AMMECR1: variants seen among roughly 807,000 people sequenced by gnomAD.
AMMECR1 encodes the protein nuclear protein AMMECR1.
AMMECR1 carries 3 observed loss-of-function variants against 22.5 expected under a neutral mutation model. The observed-to-expected ratio is 0.13, with a 90% confidence interval of 0.06 to 0.35. AMMECR1 has a LOEUF of 0.35. Ranked by LOEUF, AMMECR1 falls within the 10% of genes least tolerant of loss-of-function variation. AMMECR1 has a pLI of 1.00. For synonymous variants in AMMECR1, 130 were observed against 116.7 expected (o/e 1.11, Z -0.74); for missense variants, 235 against 278.7 (o/e 0.84, Z 1.12).
At chrX:110,316,858 T>G (rs2068050435) in intron 1 of AMMECR1, among the ~76,000 whole-genome samples, 1 of 104,313 alleles carries the variant, frequency 9.6e-6, no homozygotes, top group Non-Finnish European at 2.0e-5. Context: ...CGTGGCTCTG[T>G]GGGGACAGTT....
At chrX:110,322,143 A>T (rs942471463), upstream of AMMECR1, among the ~76,000 whole-genome samples, 2 of 112,382 alleles carry the variant, frequency 1.8e-5, no homozygotes, top group African/African-American at 3.2e-5. Context: ...CTTGAGTACA[A>T]ACTAATTGAA....
At chrX:110,430,932 T>A (rs187883848) in intron 1 of AMMECR1, among the ~76,000 whole-genome samples, 32 of 112,172 alleles carry the variant, frequency 2.9e-4, no homozygotes, top group Non-Finnish European at 5.4e-4. Flanking sequence ...CATGGCTGGT[T>A]ATAATGACAC....
chrX:110,377,569 C>CT (rs1251045046), intron 2 of AMMECR1, among the ~76,000 whole-genome samples: 3 of 112,149 alleles, frequency 2.7e-5, no homozygotes, highest in Admixed American at 9.4e-5. Context: ...TGTCCATGTG[C>CT]TGCACAGTAT....
intron 2 of AMMECR1, among the ~76,000 whole-genome samples, chrX:110,386,676 A>G (rs896947855): frequency 1.8e-5 from 2 of 111,804 alleles, no homozygotes; most frequent in Non-Finnish European, 3.8e-5. Flanking sequence ...AGAAATTTGT[A>G]AGTTCGCATA....
rs1464247569 is a variant in AMMECR1, at chrX:110,198,340, A to T, written c.*180T>A. On this transcript the variant is annotated 3_prime_UTR_variant, in exon 6 of 6. Transcript: ENST00000262844. ...AAATAATAAAACAGGATCTTAACAAATGCCATTTTTCTACCCGTTACCATG... is the reference window on the plus strand; with the variant it reads ...AAATAATAAAACAGGATCTTAACAATTGCCATTTTTCTACCCGTTACCATG... 1.3e-5 allele frequency: 4 copies of T among 298,677 alleles called. No individual in the cohort carries two copies. Among genetic ancestry groups the T allele is most frequent in the Non-Finnish European group, 2.4e-5 (4 of 169,846 alleles). The allele number at this position is 298,677 out of a possible 1,213,427, so 24.6% of individuals were successfully genotyped here. A position where few individuals can be genotyped will look rare whatever the true frequency, so the allele number is the denominator to read the frequency against.
At chrX:110,287,243 ACACTAACTGGTGTAGTCACCT>A (rs2067885086) in intron 1 of AMMECR1, among the ~76,000 whole-genome samples, 1 of 112,577 alleles carries the variant, frequency 8.9e-6, no homozygotes, top group African/African-American at 3.2e-5. Flanking sequence ...ATGCAGAGAC[ACACTAACTGGTGTAGTCACCT>A]AATGTGACTG....
chrX:110,203,892 T>G (rs1340712350), intron 3 of AMMECR1, among the ~76,000 whole-genome samples: 1 of 111,799 alleles, frequency 8.9e-6, no homozygotes, highest in Non-Finnish European at 1.9e-5. Flanking sequence ...ATTTATGGTT[T>G]TTTATTTTTA....
chrX:110,420,646 C>G (rs1248757862), intron 2 of AMMECR1, among the ~76,000 whole-genome samples: 1 of 112,123 alleles, frequency 8.9e-6, no homozygotes, highest in Non-Finnish European at 1.9e-5. Context: ...CAGAATGAGG[C>G]AGGGTGTGGG....
intron 1 of AMMECR1, among the ~76,000 whole-genome samples, chrX:110,285,671 T>C (rs1442293057): frequency 2.1e-4 from 24 of 111,881 alleles, no homozygotes; most frequent in African/African-American, 7.1e-4. Context: ...TAGGATTAAA[T>C]GAGATTTTAA....
At chrX:110,375,076 G>A (rs1309352419) in intron 2 of AMMECR1, among the ~76,000 whole-genome samples, 2 of 111,739 alleles carry the variant, frequency 1.8e-5, no homozygotes, top group East Asian at 5.6e-4. Flanking sequence ...TATATAGCAA[G>A]TAGGCAAGCT....
intron 1 of AMMECR1, among the ~76,000 whole-genome samples, chrX:110,300,185 A>G (rs1316310207): frequency 8.9e-6 from 1 of 112,047 alleles, no homozygotes. Context: ...ATCCTTGCCA[A>G]CACCTGTGTT....
chrX:110,399,494 C>A (rs555240007), intron 2 of AMMECR1, among the ~76,000 whole-genome samples: 2 of 112,250 alleles, frequency 1.8e-5, no homozygotes, highest in African/African-American at 3.2e-5. Flanking sequence ...GTGAAAAAAT[C>A]ATTTTTGTTC....
At chrX:110,345,540 A>C (rs980622143) in intron 2 of AMMECR1, among the ~76,000 whole-genome samples, 2 of 109,505 alleles carry the variant, frequency 1.8e-5, no homozygotes, top group African/African-American at 6.6e-5. Flanking sequence ...ACTTGAAAAT[A>C]GTAATACCTG....
At chrX:110,268,487 T>A (rs1028666977) in intron 1 of AMMECR1, among the ~76,000 whole-genome samples, 14 of 112,168 alleles carry the variant, frequency 1.2e-4, no homozygotes. Context: ...AAGCAACATT[T>A]AATGGGGATA....
intron 2 of AMMECR1, among the ~76,000 whole-genome samples, chrX:110,238,163 C>T (rs183858338): frequency 1.3e-3 from 140 of 111,944 alleles, no homozygotes; most frequent in Middle Eastern, 4.6e-3. Context: ...TTGTCACTAA[C>T]ACAAGCAAAT....
chrX:110,268,505 G>A (rs187180081), intron 1 of AMMECR1, among the ~76,000 whole-genome samples: 2 of 112,114 alleles, frequency 1.8e-5, no homozygotes, highest in Admixed American at 9.4e-5. Flanking sequence ...ATAAGAATCC[G>A]GGAAGTTAAG....
At chrX:110,302,911 AAGAG>A (rs1057295601) in intron 1 of AMMECR1, among the ~76,000 whole-genome samples, 15 of 110,896 alleles carry the variant, frequency 1.4e-4, no homozygotes, top group African/African-American at 4.3e-4. Flanking sequence ...ACAAAAAAAA[AAGAG>A]AGAGAGAGAT....
rs778345396 is a variant in AMMECR1, at chrX:110,317,858, G to A, written c.214C>T (p.Pro72Ser). The change falls in exon 1 of 6, where the codon CCC becomes TCC. Residue 72 changes from proline to serine, a missense_variant. By Grantham distance (74) the Pro-to-Ser change is moderately conservative. This residue lies in a region of AMMECR1 where 124 missense variants were observed against 97.0 expected (regional missense o/e 1.28). Coordinates refer to ENST00000262844, the MANE Select transcript of AMMECR1 (RefSeq NM_015365.3). ...GGSGSGCTLSPPQGCGGGGGG... is the reference protein window; with the variant it reads ...GGSGSGCTLSSPQGCGGGGGG... Reference sequence around the variant, plus strand: ...CCGCCGCCGCCGCAGCCCTGGGGGGGAGAGAGGGTACAGCCGCTGCCGCTA... The same window carrying A: ...CCGCCGCCGCCGCAGCCCTGGGGGGAAGAGAGGGTACAGCCGCTGCCGCTA... The A allele has an allele frequency of 2.5e-5, 29 of 1,174,500 alleles. No individual in the cohort carries two copies. Among genetic ancestry groups the A allele is most frequent in the African/African-American group, 1.6e-4 (9 of 55,721 alleles).
intron 2 of AMMECR1, among the ~76,000 whole-genome samples, chrX:110,391,412 A>G (rs1301155192): frequency 8.9e-6 from 1 of 111,906 alleles, no homozygotes; most frequent in Non-Finnish European, 1.9e-5. Flanking sequence ...TTTAGAGTAA[A>G]TAGTTTTCTG....
Sources: allele counts gnomAD v4.1 joint callset (sites outside exome capture counted in the v4.1 genomes callset), GRCh38; gene constraint gnomAD v4.1.1; regional missense constraint gnomAD v4.1.1; transcripts MANE v1.5; gene names NCBI Gene and HGNC (gene_info 2026-07-23, HGNC 2026-07-21).